The following FOS variants were observed in gnomAD, a reference collection of about 807,000 sequenced individuals.
FOS encodes protein c-Fos.
Under a neutral mutation model 27.2 loss-of-function variants are expected in FOS, and 9 were observed. That is an observed-to-expected ratio of 0.33 (90% CI 0.20 to 0.58). The LOEUF is 0.58. Among genes scored for constraint, FOS ranks in the 20% least tolerant of loss-of-function variants. The pLI is 0.87. For synonymous variants in FOS, 213 were observed against 205.1 expected (o/e 1.04, Z -0.33); for missense variants, 405 against 483.5 (o/e 0.84, Z 1.52).
Position 75,279,679 on chromosome 14 carries a change from G to T in FOS, c.142-198G>T. On this transcript the variant is annotated intron_variant, in intron 1 of 3. Transcript: ENST00000303562. The surrounding 1 kb of genome is among the most constrained non-coding windows in gnomAD (Gnocchi z 5.4). ...GATAACGGGAACGCAGCGGCAGGAT[G>T]GAAGAGACAGGCACTGCGCTGCGGA... 1 of 620,602 alleles carries T rather than the reference G, an allele frequency of 1.6e-6. No individual in the cohort carries two copies. Among genetic ancestry groups the T allele is most frequent in the East Asian group, 2.6e-5 (1 of 37,890 alleles). 38.4% of individuals were successfully genotyped at this position (620,602 alleles called of 1,614,324 possible). A position where few individuals can be genotyped will look rare whatever the true frequency, so the allele number is the denominator to read the frequency against.
At position 75,278,958 on chromosome 14, in the gene FOS, C is replaced by G. The variant is rs754369700; in HGVS notation, c.-25C>G. 1 of 1,612,908 alleles carries G rather than the reference C, an allele frequency of 6.2e-7. No individual in the cohort carries two copies. Among genetic ancestry groups the G allele is most frequent in the African/African-American group, 1.3e-5 (1 of 75,038 alleles). ...CACCTGTCTCCGCCCCTCGGCCCCT[C>G]GCCCGGCTTTGCCTAACCGCCACGA... On this transcript the variant is annotated 5_prime_UTR_variant, in exon 1 of 4. Transcript: ENST00000303562. The surrounding 1 kb of genome is among the most constrained non-coding windows in gnomAD (Gnocchi z 4.1).
chr14:75,280,519 C>G, intron 2 of FOS, 41 bp from the exon 3 acceptor site: 1 of 1,512,656 alleles, frequency 6.6e-7, no homozygotes, highest in Non-Finnish European at 9.1e-7. Flanking sequence ...TGATGGCAGA[C>G]ACTTTTACTG....
At position 75,279,835 on chromosome 14, in the gene FOS, C is replaced by A. The variant is rs1199984573; in HGVS notation, c.142-42C>A. 6.4e-7 allele frequency: 1 copy of A among 1,551,230 alleles called. No homozygotes were observed. The highest frequency in any genetic ancestry group is 2.3e-5 in the East Asian group (1 of 44,238). On this transcript the variant is annotated intron_variant, in intron 1 of 3. Coordinates refer to ENST00000303562, the MANE Select transcript of FOS (RefSeq NM_005252.4). This position sits in a 1 kb window ranked among gnomAD's most constrained non-coding sequence, Gnocchi z 5.4. The stretch of plus-strand genomic sequence containing the variant: ...GAACTCGCCCCACCTGTGTCCGGAA[C>A]CTGCTCGCTCACGTCGGCTTTCCCC...
chr14:75,281,317 C>T lies in FOS; in HGVS notation c.1036C>T (p.Pro346Ser), dbSNP rs770976905. The change falls in exon 4 of 4, where the codon CCC becomes TCC. Residue 346 changes from proline to serine, a missense_variant. Physicochemically the swap from Pro to Ser is moderately conservative, Grantham distance 74. Coordinates refer to ENST00000303562, the MANE Select transcript of FOS (RefSeq NM_005252.4). The surrounding 1 kb of genome is among the most constrained non-coding windows in gnomAD (Gnocchi z 4.7). ...AYTSSFVFTYPEADSFPSCAA... is the reference protein window; with the variant it reads ...AYTSSFVFTYSEADSFPSCAA... ...CACGTCTTCCTTCGTCTTCACCTAC[C>T]CCGAGGCTGACTCCTTCCCCAGCTG... 3.7e-6 allele frequency: 6 copies of T among 1,609,604 alleles called. No individual in the cohort carries two copies. The African/African-American group carries it at 5.3e-5, about 14-fold the overall frequency.
chr14:75,281,036 C>T lies in FOS; in HGVS notation c.755C>T (p.Ser252Leu). 1 of 1,613,774 alleles carries T rather than the reference C, an allele frequency of 6.2e-7. No individual in the cohort carries two copies. The highest frequency in any genetic ancestry group is 8.5e-7 in the Non-Finnish European group (1 of 1,180,032). Reference protein sequence around the residue: ...PLLNDPEPKPSVEPVKSISSM... With the variant: ...PLLNDPEPKPLVEPVKSISSM... Reference sequence around the variant, plus strand: ...CTCAATGACCCTGAGCCCAAGCCCTCAGTGGAACCTGTCAAGAGCATCAGC... The same window carrying T: ...CTCAATGACCCTGAGCCCAAGCCCTTAGTGGAACCTGTCAAGAGCATCAGC... The change falls in exon 4 of 4, where the codon TCA (serine) becomes TTA (leucine). Residue 252 changes from serine (S) to leucine (L), a missense_variant. Transcript: ENST00000303562. This position sits in a 1 kb window ranked among gnomAD's most constrained non-coding sequence, Gnocchi z 4.7.
chr14:75,280,187 G>A (rs1263703501), intron 2 of FOS, 59 bp downstream of exon 2: 8 of 1,606,604 alleles, frequency 5.0e-6, no homozygotes, highest in Non-Finnish European at 6.8e-6. Flanking sequence ...AAGCAGCCCC[G>A]GAGATGCAGG....
In FOS at chr14:75,278,876, C is replaced by G; in HGVS notation, c.-107C>G. The G allele has an allele frequency of 7.2e-7, 1 of 1,388,140 alleles. No homozygotes were observed. Among genetic ancestry groups the G allele is most frequent in the South Asian group, 1.3e-5 (1 of 79,280 alleles). The allele number at this position is 1,388,140 out of a possible 1,614,324, so 86.0% of individuals were successfully genotyped here. A position where few individuals can be genotyped will look rare whatever the true frequency, so the allele number is the denominator to read the frequency against. On this transcript the variant is annotated 5_prime_UTR_variant, in exon 1 of 4. Transcript: ENST00000303562. The surrounding 1 kb of genome is among the most constrained non-coding windows in gnomAD (Gnocchi z 4.1). ...GAGAAGCCAAGACTGAGCCGGCGGC[C>G]GCGGCGCAGCGAACGAGCAGTGACC...
Position 75,279,622 on chromosome 14 carries a change from C to G in FOS, c.142-255C>G. On this transcript the variant is annotated intron_variant, in intron 1 of 3. Coordinates refer to ENST00000303562, the MANE Select transcript of FOS (RefSeq NM_005252.4). The surrounding 1 kb of genome is among the most constrained non-coding windows in gnomAD (Gnocchi z 5.4). ...GCGCAGACGTCAGGGATATTTATAA[C>G]AAACCCCCTTTCAAGCAAGTGATGC... The G allele has an allele frequency of 1.8e-6, 1 of 547,774 alleles. No homozygotes were observed. The highest frequency in any genetic ancestry group is 2.5e-5 in the South Asian group (1 of 39,338). 33.9% of individuals were successfully genotyped at this position (547,774 alleles called of 1,614,324 possible).
chr14:75,280,287 A>G, intron 2 of FOS, 159 bp downstream of exon 2: 1 of 958,132 alleles, frequency 1.0e-6, no homozygotes, highest in Non-Finnish European at 1.6e-6. Flanking sequence ...ATCCCAACTC[A>G]GACTCTGAGT....
Position 75,279,013 on chromosome 14 carries a change from G to C in FOS, c.31G>C (p.Glu11Gln). The C allele has an allele frequency of 6.2e-7, 1 of 1,613,668 alleles. No homozygotes were observed. Among genetic ancestry groups the C allele is most frequent in the Non-Finnish European group, 8.5e-7 (1 of 1,179,932 alleles). The part of the protein sequence containing the change: MMFSGFNADY[E>Q]ASSSRCSSAS... ...GTTCTCGGGCTTCAACGCAGACTAC[G>C]AGGCGTCATCCTCCCGCTGCAGCAG... Residue 11 changes from glutamate (E) to glutamine (Q), a missense_variant, in exon 1 of 4, where the codon GAG (glutamate) becomes CAG (glutamine). Physicochemically the swap from Glu to Gln is conservative, Grantham distance 29. Coordinates refer to ENST00000303562, the MANE Select transcript of FOS (RefSeq NM_005252.4). This position sits in a 1 kb window ranked among gnomAD's most constrained non-coding sequence, Gnocchi z 5.4.
intron 2 of FOS, 190 bp downstream of exon 2, chr14:75,280,318 C>T (rs778385752): frequency 1.1e-4 from 86 of 764,172 alleles, no homozygotes; most frequent in Non-Finnish European, 1.8e-4. Context: ...GAAGTACTCT[C>T]ATAGTTTCTT....
rs1897198380 is a variant in FOS, at chr14:75,279,238, C to G, written c.141+115C>G. 7.1e-7 allele frequency: 1 copy of G among 1,410,282 alleles called. No individual in the cohort carries two copies. The allele number at this position is 1,410,282 out of a possible 1,614,324, so 87.4% of individuals were successfully genotyped here. On this transcript the variant is annotated intron_variant, in intron 1 of 3. Transcript: ENST00000303562. This position sits in a 1 kb window ranked among gnomAD's most constrained non-coding sequence, Gnocchi z 5.4. Reference sequence around the variant, plus strand: ...GGGCTCCCTTGTGCCTGGAGGGAGGCTGCCGTGGCCGGAGCGGTGCCGGCT... The same window carrying G: ...GGGCTCCCTTGTGCCTGGAGGGAGGGTGCCGTGGCCGGAGCGGTGCCGGCT...
chr14:75,278,911 C>T lies in FOS; in HGVS notation c.-72C>T, dbSNP rs541052060. 4.0e-5 allele frequency: 63 copies of T among 1,585,242 alleles called. 1 individual carries two copies. In the Middle Eastern group the frequency reaches 5.0e-4, roughly 13 times the overall value. The stretch of plus-strand genomic sequence containing the variant: ...CGAACGAGCAGTGACCGTGCTCCTA[C>T]CCAGCTCTGCTCCACAGCGCCCACC... On this transcript the variant is annotated 5_prime_UTR_variant, in exon 1 of 4. Transcript: ENST00000303562. The surrounding 1 kb of genome is among the most constrained non-coding windows in gnomAD (Gnocchi z 4.1).
At chr14:75,280,228 G>A (rs768791917) in intron 2 of FOS, 100 bp downstream of exon 2, 6 of 1,520,324 alleles carry the variant, frequency 3.9e-6, no homozygotes, top group Middle Eastern at 1.8e-4. Flanking sequence ...GCCACTGATG[G>A]GGCTGGCTGC....
Position 75,281,025 on chromosome 14 carries a change from G to A in FOS, c.744G>A (p.Glu248=). 1 of 1,613,882 alleles carries A rather than the reference G, an allele frequency of 6.2e-7. No individual in the cohort carries two copies. Among genetic ancestry groups the A allele is most frequent in the East Asian group, 2.2e-5 (1 of 44,880 alleles). Reference sequence around the variant, plus strand: ...CCCTGCCTCTCCTCAATGACCCTGAGCCCAAGCCCTCAGTGGAACCTGTCA... The same window carrying A: ...CCCTGCCTCTCCTCAATGACCCTGAACCCAAGCCCTCAGTGGAACCTGTCA... ...AFTLPLLNDP[E]PKPSVEPVKS... The change falls in exon 4 of 4, where the codon GAG becomes GAA. Residue 248 remains glutamate, a synonymous_variant. Coordinates refer to ENST00000303562, the MANE Select transcript of FOS (RefSeq NM_005252.4). The surrounding 1 kb of genome is among the most constrained non-coding windows in gnomAD (Gnocchi z 4.7).
intron 2 of FOS, 180 bp downstream of exon 2, chr14:75,280,308 G>A: frequency 1.2e-6 from 1 of 810,466 alleles, no homozygotes; most frequent in Non-Finnish European, 2.0e-6. Flanking sequence ...CTCACCCTAA[G>A]AAGTACTCTC....
In FOS at chr14:75,280,049, C is replaced by T; in HGVS notation, c.314C>T (p.Ala105Val). The T allele has an allele frequency of 1.9e-6, 3 of 1,614,188 alleles. No homozygotes were observed. The highest frequency in any genetic ancestry group is 2.5e-6 in the Non-Finnish European group (3 of 1,180,036). ...GGAGTCCCCGCCCCCTCCGCTGGGG[C>T]TTACTCCAGGGCTGGCGTTGTGAAG... is the stretch of plus-strand genomic sequence containing the variant. Reference protein sequence around the residue: ...PFGVPAPSAGAYSRAGVVKTM... With the variant: ...PFGVPAPSAGVYSRAGVVKTM... The change falls in exon 2 of 4, where the codon GCT becomes GTT. Residue 105 changes from alanine to valine, a missense_variant. Transcript: ENST00000303562.
Position 75,280,995 on chromosome 14 carries a change from C to T in FOS, c.714C>T (p.Ala238=), listed in dbSNP as rs745842129. 8 of 1,613,990 alleles carry T rather than the reference C, an allele frequency of 5.0e-6. No individual in the cohort carries two copies. In the African/African-American group the frequency reaches 9.3e-5, roughly 19 times the overall value. The change falls in exon 4 of 4, where the codon GCC becomes GCT. Residue 238 remains alanine, a synonymous_variant. Coordinates refer to ENST00000303562, the MANE Select transcript of FOS (RefSeq NM_005252.4). ...TTGCCACCCCGGAGTCTGAGGAGGCCTTCACCCTGCCTCTCCTCAATGACC... is the reference window on the plus strand; with the variant it reads ...TTGCCACCCCGGAGTCTGAGGAGGCTTTCACCCTGCCTCTCCTCAATGACC... ...PEVATPESEE[A]FTLPLLNDPE...
Position 75,279,270 on chromosome 14 carries a change from C to A in FOS, c.141+147C>A. The A allele has an allele frequency of 1.9e-6, 2 of 1,045,068 alleles. No homozygotes were observed. The highest frequency in any genetic ancestry group is 2.6e-5 in the Admixed American group (1 of 38,412). The allele number at this position is 1,045,068 out of a possible 1,614,324, so 64.7% of individuals were successfully genotyped here. ...GGCCGGAGCGGTGCCGGCTCGGGGG[C>A]TCGGGACTTGCTCTGAGCGCACGCA... is the stretch of plus-strand genomic sequence containing the variant. On this transcript the variant is annotated intron_variant, in intron 1 of 3. Transcript: ENST00000303562. The surrounding 1 kb of genome is among the most constrained non-coding windows in gnomAD (Gnocchi z 5.4).
Sources: gnomAD v4.1 joint callset for allele counts on GRCh38, gnomAD v4.1.1 for gene constraint, Gnocchi (gnomAD v3.1) non-coding constraint, MANE v1.5 for transcripts, NCBI Gene and HGNC (gene_info 2026-07-23, HGNC 2026-07-21) for gene names.